Variants in KLHL30 observed in about 807,000 individuals in gnomAD.
KLHL30 encodes kelch like family member 30, also known as kelch-like protein 30.
In KLHL30, 55 loss-of-function variants were observed where a neutral mutation model predicts 55.0. The observed-to-expected ratio is 1.00, with a 90% CI of 0.80 to 1.25. The LOEUF (loss-of-function observed/expected upper bound fraction) is 1.25, where lower values mean the gene tolerates loss of function less well. Among genes scored for constraint, KLHL30 ranks in the 50% most tolerant of loss-of-function variants. The pLI, the probability that KLHL30 is intolerant of heterozygous loss-of-function variation, is 0.00. For synonymous variants in KLHL30, 356 were observed against 372.6 expected (o/e 0.96, Z 0.51); for missense variants, 786 against 811.6 (o/e 0.97, Z 0.38).
In KLHL30 at chr2:238,149,048, C is replaced by A; in HGVS notation, c.1381C>A (p.Leu461Met). 6.2e-7 allele frequency: 1 copy of A among 1,612,922 alleles called. No individual in the cohort carries two copies. The highest frequency in any genetic ancestry group is 8.5e-7 in the Non-Finnish European group (1 of 1,179,692). ...VIASPFLPKY[L>M]SSPRCAALHG... is the part of the protein sequence containing the mutation. ...CGCCTCGCCCTTCCTGCCCAAGTAC[C>A]TGTCCTCGCCTCGCTGTGCTGCACT... The change falls in exon 7 of 8, where the codon CTG becomes ATG. Residue 461 changes from leucine to methionine, a missense_variant. Transcript: ENST00000409223.
chr2:238,151,700 C>G lies in KLHL30; in HGVS notation c.*635C>G, dbSNP rs767005624. 1.4e-4 allele frequency: 23 copies of G among 169,034 alleles called. No homozygotes were observed. Among genetic ancestry groups the G allele is most frequent in the Non-Finnish European group, 2.0e-4 (17 of 83,314 alleles). 10.5% of individuals were successfully genotyped at this position (169,034 alleles called of 1,614,324 possible). ...TTTCTGCTTCTGTGGACAAAGGAGG[C>G]CCCCACCCATCTCTTGCACCCAGAG... On this transcript the variant is annotated 3_prime_UTR_variant, in exon 8 of 8. Coordinates refer to ENST00000409223, the MANE Select transcript of KLHL30 (RefSeq NM_198582.4).
At position 238,147,768 on chromosome 2, in the gene KLHL30, G is replaced by A. The variant is rs1692672750; in HGVS notation, c.1151-66G>A. On this transcript the variant is annotated intron_variant, in intron 5 of 7. Transcript: ENST00000409223. This position sits in a 1 kb window ranked among gnomAD's most constrained non-coding sequence, Gnocchi z 5.8. ...CACTTTGCTGCCTTACAAAGCCCCA[G>A]CCCCTGAGTTTCCAGGCCTCCCCTC... 3 of 1,070,326 alleles carry A rather than the reference G, an allele frequency of 2.8e-6. No homozygotes were observed. Among genetic ancestry groups the A allele is most frequent in the Admixed American group, 7.4e-5 (2 of 27,014 alleles). The allele number at this position is 1,070,326 out of a possible 1,614,324, so 66.3% of individuals were successfully genotyped here. A position where few individuals can be genotyped will look rare whatever the true frequency, so the allele number is the denominator to read the frequency against.
At position 238,140,920 on chromosome 2, in the gene KLHL30, C is replaced by T. The variant is rs1208248387; in HGVS notation, c.166C>T (p.Pro56Ser). 5.0e-6 allele frequency: 8 copies of T among 1,610,956 alleles called. No individual in the cohort carries two copies. The highest frequency in any genetic ancestry group is 6.8e-6 in the Non-Finnish European group (8 of 1,178,618). Residue 56 changes from proline to serine, a missense_variant, in exon 2 of 8, where the codon CCC (proline) becomes TCC (serine). Coordinates refer to ENST00000409223, the MANE Select transcript of KLHL30 (RefSeq NM_198582.4). ...CCGCGGCCTCCTGGCGCTCAGCAGC[C>T]CCTACTTCCATGCCATGTTTGCGGG... is the stretch of plus-strand genomic sequence containing the variant. Reference protein sequence around the residue: ...CHRGLLALSSPYFHAMFAGDF... With the variant: ...CHRGLLALSSSYFHAMFAGDF...
intron 7 of KLHL30, 121 bp from the exon 8 acceptor site, chr2:238,150,693 A>C: frequency 8.7e-7 from 1 of 1,152,322 alleles, no homozygotes; most frequent in Non-Finnish European, 1.2e-6. Context: ...CATGCCCTGG[A>C]GGGGATCTGG....
intron 3 of KLHL30, among the ~76,000 whole-genome samples, chr2:238,143,305 C>A (rs1692576672): frequency 6.6e-6 from 1 of 152,200 alleles, no homozygotes; most frequent in Non-Finnish European, 1.5e-5. Flanking sequence ...GGAATCGAGA[C>A]CCCAAGGGGA....
chr2:238,141,004 G>A lies in KLHL30; in HGVS notation c.250G>A (p.Val84Met), dbSNP rs367996325. The A allele has an allele frequency of 6.2e-6, 10 of 1,612,494 alleles. No homozygotes were observed. In the African/African-American group the frequency reaches 8.0e-5, roughly 13 times the overall value. The change falls in exon 2 of 8, where the codon GTG becomes ATG. Residue 84 changes from valine (V) to methionine (M), a missense_variant. Coordinates refer to ENST00000409223, the MANE Select transcript of KLHL30 (RefSeq NM_198582.4). ...GCTGCGGGACGTGGAGCCCGCCGTGGTGGGACAACTGGTGGACTTCGTGTA... is the reference window on the plus strand; with the variant it reads ...GCTGCGGGACGTGGAGCCCGCCGTGATGGGACAACTGGTGGACTTCGTGTA... ...VELRDVEPAV[V>M]GQLVDFVYTG...
At position 238,145,822 on chromosome 2, in the gene KLHL30, C is replaced by T. The variant is rs1180994038; in HGVS notation, c.1140C>T (p.Tyr380=). The change falls in exon 5 of 8, where the codon TAC becomes TAT. Residue 380 remains tyrosine, a synonymous_variant. Transcript: ENST00000409223. ...GCGCGGCCCTCAATGGGGAGATCTACGTTATCGGCGGTGAGGCCTTCCTCT... is the reference window on the plus strand; with the variant it reads ...GCGCGGCCCTCAATGGGGAGATCTATGTTATCGGCGGTGAGGCCTTCCTCT... ...HASAALNGEI[Y]VIGGTTLDVV... is the part of the protein sequence containing the mutation. 6.2e-6 allele frequency: 10 copies of T among 1,600,714 alleles called. No homozygotes were observed. Among genetic ancestry groups the T allele is most frequent in the Admixed American group, 3.4e-5 (2 of 58,928 alleles).
In KLHL30 at chr2:238,145,665, T is replaced by G; in HGVS notation, c.995-12T>G. 2 of 1,568,238 alleles carry G rather than the reference T, an allele frequency of 1.3e-6. No individual in the cohort carries two copies. The highest frequency in any genetic ancestry group is 1.7e-6 in the Non-Finnish European group (2 of 1,158,320). On this transcript the variant is annotated splice_polypyrimidine_tract_variant and intron_variant, in intron 4 of 7. Transcript: ENST00000409223. ...CTGGTGGCACCCATGTAGACAGAAC[T>G]TCTCCCGGCAGGTGGCTCTCGGGGC...
In KLHL30 at chr2:238,141,177, CG is replaced by C; in HGVS notation, c.427del (p.Glu143SerfsTer58). On this transcript the variant is annotated frameshift_variant, in exon 2 of 8. Coordinates refer to ENST00000409223, the MANE Select transcript of KLHL30 (RefSeq NM_198582.4). LOFTEE classifies it high-confidence loss of function. ...CCAACTGCCTGGGCATCTGTGAGTTCGGGGAGCAGCAAGGGCTGCTGGGCGT... is the reference window on the plus strand; with the variant it reads ...CCAACTGCCTGGGCATCTGTGAGTTCGGGAGCAGCAAGGGCTGCTGGGCGT... Reference protein sequence around the residue: ...AANCLGICEFGEQQGLLGVAA... With the variant: ...AANCLGICEFXEQQGLLGVAA... 6.2e-7 allele frequency: 1 copy of C among 1,611,780 alleles called. No homozygotes were observed. Among genetic ancestry groups the C allele is most frequent in the African/African-American group, 1.3e-5 (1 of 75,052 alleles).
rs1352873236 is a variant in KLHL30 at position 238,151,586 on chromosome 2, C to T, written c.*521C>T. The T allele has an allele frequency of 1.9e-5, 3 of 161,754 alleles. No individual in the cohort carries two copies. Among genetic ancestry groups the T allele is most frequent in the African/African-American group, 7.2e-5 (3 of 41,674 alleles). The allele number at this position is 161,754 out of a possible 1,614,324, so 10.0% of individuals were successfully genotyped here. A position where few individuals can be genotyped will look rare whatever the true frequency, so the allele number is the denominator to read the frequency against. On this transcript the variant is annotated 3_prime_UTR_variant, in exon 8 of 8. Coordinates refer to ENST00000409223, the MANE Select transcript of KLHL30 (RefSeq NM_198582.4). ...GTAACTGTGGCCAGCCACCTCCCCT[C>T]TCTGGGCTTCAAGCTCCGCGTCCAC...
At chr2:238,143,296 G>T (rs1318230891) in intron 3 of KLHL30, among the ~76,000 whole-genome samples, 1 of 152,230 alleles carries the variant, frequency 6.6e-6, no homozygotes, top group East Asian at 1.9e-4. Flanking sequence ...CCTGCCGAGG[G>T]AATCGAGACC....
rs1466564261 is a variant in KLHL30 at position 238,151,189 on chromosome 2, G to C, written c.*124G>C. 1 of 1,322,918 alleles carries C rather than the reference G, an allele frequency of 7.6e-7. No homozygotes were observed. The highest frequency in any genetic ancestry group is 1.0e-6 in the Non-Finnish European group (1 of 977,272). 81.9% of individuals were successfully genotyped at this position (1,322,918 alleles called of 1,614,324 possible). On this transcript the variant is annotated 3_prime_UTR_variant, in exon 8 of 8. Transcript: ENST00000409223. ...ACCATTCCTTCCAAGCTGCGCTCAGGCCACCAGGGGTGATCAGACGGCATG... is the reference window on the plus strand; with the variant it reads ...ACCATTCCTTCCAAGCTGCGCTCAGCCCACCAGGGGTGATCAGACGGCATG...
At chr2:238,139,749 G>T (rs1248970774) in intron 1 of KLHL30, among the ~76,000 whole-genome samples, 1 of 152,210 alleles carries the variant, frequency 6.6e-6, no homozygotes, top group African/African-American at 2.4e-5. Flanking sequence ...GCCCCGCGAG[G>T]CGCCCCCTAG....
intron 6 of KLHL30, among the ~76,000 whole-genome samples, 193 bp downstream of exon 6, chr2:238,148,215 CCA>C (rs1692683604): frequency 6.6e-6 from 1 of 152,192 alleles, no homozygotes; most frequent in African/African-American, 2.4e-5. Flanking sequence ...GGTCAGGGAC[CCA>C]CTGCGTCAGC....
intron 3 of KLHL30, among the ~76,000 whole-genome samples, chr2:238,144,416 A>AGGCAGGCAGGCAGGCAGGCAGGC (rs1692602793): frequency 1.9e-5 from 2 of 107,284 alleles, no homozygotes; most frequent in African/African-American, 7.5e-5. Context: ...GGAAGGAAGG[A>AGGCAGGCAGGCAGGCAGGCAGGC]AGGAAGGAAG....
intron 6 of KLHL30, 125 bp downstream of exon 6, chr2:238,148,147 G>A (rs928222281): frequency 9.8e-6 from 9 of 920,766 alleles, no homozygotes; most frequent in African/African-American, 5.2e-5. Flanking sequence ...GGAGAGAGCC[G>A]GCGGCCGCAG....
Position 238,142,922 on chromosome 2 carries a change from A to G in KLHL30, c.898A>G (p.Ser300Gly). The change falls in exon 3 of 8, where the codon AGC becomes GGC. Residue 300 changes from serine to glycine, a missense_variant. Coordinates refer to ENST00000409223, the MANE Select transcript of KLHL30 (RefSeq NM_198582.4). ...PGLGNFAFYN[S>G]KAKRWMALPD... Reference sequence around the variant, plus strand: ...CCTTGGGAACTTTGCCTTCTACAACAGCAAGGCCAGTGAGTACCCCTCCCG... The same window carrying G: ...CCTTGGGAACTTTGCCTTCTACAACGGCAAGGCCAGTGAGTACCCCTCCCG... The G allele has an allele frequency of 6.6e-7, 1 of 1,507,280 alleles. No homozygotes were observed. Among genetic ancestry groups the G allele is most frequent in the Non-Finnish European group, 8.8e-7 (1 of 1,141,142 alleles). 93.4% of individuals were successfully genotyped at this position (1,507,280 alleles called of 1,614,324 possible).
At chr2:238,144,432 A>AAGGAAGGAAGGAAGGCAGGCAGGC (rs1692608040) in intron 3 of KLHL30, among the ~76,000 whole-genome samples, 9 of 82,444 alleles carry the variant, frequency 1.1e-4, no homozygotes, top group East Asian at 3.6e-4. Flanking sequence ...GGAAGGAAGG[A>AAGGAAGGAAGGAAGGCAGGCAGGC]AGGCAGGCAG....
intron 1 of KLHL30, among the ~76,000 whole-genome samples, chr2:238,139,733 G>A (rs939326371): frequency 6.6e-6 from 1 of 152,164 alleles, no homozygotes; most frequent in African/African-American, 2.4e-5. Flanking sequence ...TCTCCTGCCC[G>A]GGATGGCCCC....
Sources: gnomAD v4.1 joint callset for allele counts (sites outside exome capture counted in the v4.1 genomes callset) on GRCh38, gnomAD v4.1.1 for gene constraint, Gnocchi (gnomAD v3.1) non-coding constraint, MANE v1.5 for transcripts, NCBI Gene and HGNC (gene_info 2026-07-23, HGNC 2026-07-21) for gene names.